Variants in TANC1 observed in about 807,000 individuals in gnomAD.
TANC1 encodes tetratricopeptide repeat, ankyrin repeat and coiled-coil containing 1.
In TANC1, 77 loss-of-function variants were observed where a neutral mutation model predicts 149.7. That is an observed-to-expected ratio of 0.51 (90% confidence interval 0.43 to 0.62). The LOEUF (loss-of-function observed/expected upper bound fraction) is 0.62. Ranked by LOEUF, TANC1 falls within the 20% of genes least tolerant of loss-of-function variation. The probability of loss-of-function intolerance (pLI) is 0.00; values close to 1 mark genes in which losing one functional copy is unlikely to be tolerated. For missense variants in TANC1, 1,985 were observed against 2,321.8 expected, an observed-to-expected ratio of 0.85 and a Z score of 2.98; for synonymous variants, 854 against 925.0, an observed-to-expected ratio of 0.92 and a Z score of 1.39.
chr2:158,974,837 A>G (rs1224789849), intron 1 of TANC1, among the ~76,000 whole-genome samples: 1 of 151,846 alleles, frequency 6.6e-6, no homozygotes, highest in Non-Finnish European at 1.5e-5. Context: ...GACTCATGCA[A>G]TCCTTCCACC....
chr2:159,026,200 T>A (rs1471726579), intron 2 of TANC1, among the ~76,000 whole-genome samples: 1 of 152,250 alleles, frequency 6.6e-6, no homozygotes, highest in Non-Finnish European at 1.5e-5. Flanking sequence ...CCCAAAGTGC[T>A]GGGATTACAG....
At chr2:159,084,300 C>T (rs1280904232) in intron 3 of TANC1, among the ~76,000 whole-genome samples, 5 of 151,908 alleles carry the variant, frequency 3.3e-5, no homozygotes, top group Admixed American at 6.6e-5. Context: ...CTCCTAGCTC[C>T]CCCCCCAATA....
chr2:159,114,271 G>A (rs1174284384), intron 4 of TANC1, among the ~76,000 whole-genome samples: 1 of 152,182 alleles, frequency 6.6e-6, no homozygotes, highest in Non-Finnish European at 1.5e-5. Context: ...TGGCTGTAAA[G>A]AGATGCCTTG....
In TANC1 at chr2:159,169,198, A is replaced by G. The variant is rs1008815491; in HGVS notation, c.947-52A>G. On this transcript the variant is annotated intron_variant, in intron 8 of 26. Transcript: ENST00000263635. ...ATTTATAAGTTATAGTCACTTAGGTATGAAATTTAAAGTCACCTTTGAAGA... is the reference window on the plus strand; with the variant it reads ...ATTTATAAGTTATAGTCACTTAGGTGTGAAATTTAAAGTCACCTTTGAAGA... 14 of 1,507,332 alleles carry G rather than the reference A, an allele frequency of 9.3e-6. No homozygotes were observed. In the African/African-American group the frequency reaches 1.4e-4, roughly 15 times the overall value. The allele number at this position is 1,507,332 out of a possible 1,614,324, so 93.4% of individuals were successfully genotyped here.
At chr2:159,206,681 A>T (rs2058627690) in intron 19 of TANC1, among the ~76,000 whole-genome samples, 1 of 152,212 alleles carries the variant, frequency 6.6e-6, no homozygotes, top group African/African-American at 2.4e-5. Context: ...CAGAAAAATC[A>T]TCCTTGTTTC....
intron 14 of TANC1, among the ~76,000 whole-genome samples, chr2:159,180,776 T>A (rs2056390606): frequency 6.6e-6 from 1 of 152,260 alleles, no homozygotes; most frequent in Non-Finnish European, 1.5e-5. Context: ...GTTTTTGTTA[T>A]ATGCAGTTAT....
At chr2:159,219,894 T>C (rs748346196) in intron 22 of TANC1, 27 bp downstream of exon 22, 1 of 1,610,316 alleles carries the variant, frequency 6.2e-7, no homozygotes, top group Non-Finnish European at 8.5e-7. Flanking sequence ...GTTCCCCACC[T>C]CCACCTGCAT....
intron 3 of TANC1, among the ~76,000 whole-genome samples, chr2:159,080,331 G>C (rs1180815065): frequency 6.6e-6 from 1 of 152,200 alleles, no homozygotes; most frequent in Non-Finnish European, 1.5e-5. Context: ...GTGTCAGGGA[G>C]TGAGACTGCA....
chr2:159,009,801 A>C (rs2037582418), intron 2 of TANC1, among the ~76,000 whole-genome samples: 1 of 152,100 alleles, frequency 6.6e-6, no homozygotes, highest in African/African-American at 2.4e-5. Flanking sequence ...GTTACATGTT[A>C]ATTATCCTGA....
Position 159,089,993 on chromosome 2 carries a change from C to T in TANC1, c.62-7644C>T, listed in dbSNP as rs566319012. Among the ~76,000 whole-genome samples the T allele has an allele frequency of 1.1e-4, 16 of 152,292 alleles. No individual in the cohort carries two copies. The South Asian group carries it at 2.9e-3, about 28-fold the overall frequency. On this transcript the variant is annotated intron_variant, in intron 3 of 26. Transcript: ENST00000263635. Reference sequence around the variant, plus strand: ...AAGATCTTAAAATTGACACATGGCTCAATCCTTGGGAATGTACATTTAAAT... The same window carrying T: ...AAGATCTTAAAATTGACACATGGCTTAATCCTTGGGAATGTACATTTAAAT...
intron 2 of TANC1, among the ~76,000 whole-genome samples, chr2:159,019,311 G>T (rs1056949974): frequency 6.6e-6 from 1 of 152,206 alleles, no homozygotes; most frequent in African/African-American, 2.4e-5. Context: ...GGAGTGATGG[G>T]AATAGAGATT....
chr2:159,136,023 T>C (rs2050642735), intron 4 of TANC1, among the ~76,000 whole-genome samples, 171 bp from the exon 5 acceptor site: 1 of 84,104 alleles, frequency 1.2e-5, no homozygotes, highest in Admixed American at 1.2e-4. Flanking sequence ...TGTGTGTGTG[T>C]GTGTGTGTGT....
chr2:159,121,273 G>C (rs1317240461), intron 4 of TANC1, among the ~76,000 whole-genome samples: 5 of 152,232 alleles, frequency 3.3e-5, no homozygotes, highest in Non-Finnish European at 5.9e-5. Context: ...TGCCAAGGAG[G>C]CTGGGAAATG....
chr2:159,004,101 A>C (rs2036900137), intron 2 of TANC1: 1 of 1,611,794 alleles, frequency 6.2e-7, no homozygotes, highest in Non-Finnish European at 8.5e-7. Context: ...CTTTGCAATT[A>C]CTGGTCATGC....
intron 2 of TANC1, among the ~76,000 whole-genome samples, chr2:159,062,848 TC>T (rs1476626257): frequency 6.6e-6 from 1 of 150,746 alleles, no homozygotes; most frequent in Non-Finnish European, 1.5e-5. Context: ...GTGCCTGTAG[TC>T]CCAGCTACTC....
At chr2:159,087,654 T>G (rs1450144889) in intron 3 of TANC1, among the ~76,000 whole-genome samples, 1 of 151,764 alleles carries the variant, frequency 6.6e-6, no homozygotes, top group Non-Finnish European at 1.5e-5. Flanking sequence ...ATTACAGGTG[T>G]GAGCCACCAC....
chr2:159,137,411 C>T (rs1176712617), intron 5 of TANC1, among the ~76,000 whole-genome samples: 1 of 152,162 alleles, frequency 6.6e-6, no homozygotes, highest in Admixed American at 6.5e-5. Flanking sequence ...GCACTGGGCA[C>T]TCTGGGCAGG....
intron 4 of TANC1, 39 bp downstream of exon 4, chr2:159,097,873 T>G (rs1454319397): frequency 6.4e-7 from 1 of 1,567,486 alleles, no homozygotes; most frequent in African/African-American, 1.3e-5. Flanking sequence ...GTTATATATG[T>G]AGTACCTGCA....
intron 4 of TANC1, among the ~76,000 whole-genome samples, chr2:159,128,568 G>T (rs1343491138): frequency 6.6e-6 from 1 of 152,150 alleles, no homozygotes; most frequent in Non-Finnish European, 1.5e-5. Context: ...TTCCCAAGAG[G>T]CTCTTACCCT....
Sources: gnomAD v4.1 joint callset for allele counts (sites outside exome capture counted in the v4.1 genomes callset) on GRCh38, gnomAD v4.1.1 for gene constraint, MANE v1.5 for transcripts, NCBI Gene and HGNC (gene_info 2026-07-23, HGNC 2026-07-21) for gene names.